Variants in DLG2 observed in about 807,000 individuals in gnomAD.
DLG2 encodes the protein discs large MAGUK scaffold protein 2.
A neutral mutation model predicts 132.5 loss-of-function variants in DLG2; 45 were observed. The observed-to-expected ratio is 0.34, with a 90% confidence interval of 0.27 to 0.44. The LOEUF is 0.44. DLG2 is among the 20% of genes least tolerant of loss of function. The pLI is 1.00. For synonymous variants in DLG2, 424 were observed against 419.6 expected (o/e 1.01, Z -0.13); for missense variants, 1,045 against 1,196.9 (o/e 0.87, Z 1.87).
At chr11:84,233,262 A>G (rs2097117616) in intron 8 of DLG2, among the ~76,000 whole-genome samples, 1 of 152,340 alleles carries the variant, frequency 6.6e-6, no homozygotes, top group South Asian at 2.1e-4. Flanking sequence ...GGTCACAGTC[A>G]GTGATACAGG....
chr11:84,803,746 C>T (rs1045599646), intron 6 of DLG2, among the ~76,000 whole-genome samples: 6 of 152,168 alleles, frequency 3.9e-5, no homozygotes, highest in Non-Finnish European at 7.3e-5. Flanking sequence ...AGGTCTGCCT[C>T]GACTAGCCCA....
intron 7 of DLG2, among the ~76,000 whole-genome samples, chr11:84,301,651 CAAAAAAAAAA>C (rs753899806): frequency 1.1e-4 from 3 of 26,596 alleles, no homozygotes; most frequent in African/African-American, 1.5e-4. Context: ...AGGCGAGACT[CAAAAAAAAAA>C]AAAAAAAAAA....
intron 6 of DLG2, among the ~76,000 whole-genome samples, chr11:84,953,127 A>G (rs749847451): frequency 6.6e-6 from 1 of 152,160 alleles, no homozygotes; most frequent in Admixed American, 6.5e-5. Flanking sequence ...ACCCATCTTT[A>G]CATTGCCTCT....
intron 18 of DLG2, among the ~76,000 whole-genome samples, chr11:83,718,562 A>AG (rs1259567904): frequency 5.3e-5 from 8 of 151,862 alleles, no homozygotes; most frequent in African/African-American, 1.9e-4. Flanking sequence ...GAAAGAAAAA[A>AG]AGAAATATCC....
chr11:84,416,082 A>G (rs1281553832), intron 7 of DLG2, among the ~76,000 whole-genome samples: 2 of 152,272 alleles, frequency 1.3e-5, no homozygotes, highest in East Asian at 3.9e-4. Context: ...AACCTAAAAC[A>G]TCAAAAGATT....
chr11:84,351,588 T>C (rs2154412581), intron 7 of DLG2, among the ~76,000 whole-genome samples: 1 of 152,338 alleles, frequency 6.6e-6, no homozygotes, highest in East Asian at 1.9e-4. Flanking sequence ...ATTTGATTTA[T>C]TGATATACAG....
intron 6 of DLG2, among the ~76,000 whole-genome samples, chr11:84,601,554 T>C (rs1360661119): frequency 6.6e-6 from 1 of 152,016 alleles, no homozygotes; most frequent in Non-Finnish European, 1.5e-5. Flanking sequence ...GGAAATTACC[T>C]AAATATCCAA....
At chr11:85,485,555 G>C (rs1214392292) in intron 3 of DLG2, among the ~76,000 whole-genome samples, 1 of 152,152 alleles carries the variant, frequency 6.6e-6, no homozygotes, top group African/African-American at 2.4e-5. Context: ...GTGATGAGAA[G>C]TACTGAATGT....
intron 4 of DLG2, among the ~76,000 whole-genome samples, chr11:85,160,037 C>T (rs528996963): frequency 1.3e-5 from 2 of 152,244 alleles, no homozygotes; most frequent in South Asian, 4.1e-4. Flanking sequence ...CAGTAAAATT[C>T]TTAGGTGTCC....
chr11:85,369,712 T>G (rs754840970), intron 3 of DLG2, among the ~76,000 whole-genome samples: 12 of 152,182 alleles, frequency 7.9e-5, no homozygotes, highest in Non-Finnish European at 1.5e-4. Context: ...CCTTAGGGGA[T>G]GAGCTCTCTC....
At chr11:84,773,756 C>T (rs949951529) in intron 6 of DLG2, among the ~76,000 whole-genome samples, 3 of 152,056 alleles carry the variant, frequency 2.0e-5, no homozygotes, top group African/African-American at 4.8e-5. Flanking sequence ...AATAATGACC[C>T]TCAACAAACT....
intron 17 of DLG2, among the ~76,000 whole-genome samples, chr11:83,803,823 A>C (rs1215802858): frequency 6.6e-6 from 1 of 152,142 alleles, no homozygotes; most frequent in African/African-American, 2.4e-5. Context: ...GTCCACTCCT[A>C]AAACATCTGA....
chr11:84,610,633 G>A (rs1429401508), intron 6 of DLG2, among the ~76,000 whole-genome samples: 1 of 152,104 alleles, frequency 6.6e-6, no homozygotes, highest in African/African-American at 2.4e-5. Flanking sequence ...CCCTCCCCTG[G>A]CCTGGCCTCC....
At chr11:83,764,325 G>T (rs2094044422) in intron 18 of DLG2, among the ~76,000 whole-genome samples, 1 of 152,184 alleles carries the variant, frequency 6.6e-6, no homozygotes, top group Non-Finnish European at 1.5e-5. Flanking sequence ...ACTTCAAAGT[G>T]CTGATGTATC....
At chr11:84,382,978 A>C (rs2098754050) in intron 7 of DLG2, among the ~76,000 whole-genome samples, 1 of 151,204 alleles carries the variant, frequency 6.6e-6, no homozygotes, top group Non-Finnish European at 1.5e-5. Flanking sequence ...CCTTCCTCTC[A>C]TCTTAACCTC....
intron 18 of DLG2, among the ~76,000 whole-genome samples, chr11:83,728,377 TTGG>T (rs2090407057): frequency 6.6e-6 from 1 of 152,226 alleles, no homozygotes; most frequent in Non-Finnish European, 1.5e-5. Flanking sequence ...CCTAGAAAAC[TTGG>T]TGACTTTATA....
intron 14 of DLG2, among the ~76,000 whole-genome samples, chr11:83,944,885 ACCCCATTATCTT>A (rs962704589): frequency 6.6e-6 from 1 of 152,210 alleles, no homozygotes; most frequent in Non-Finnish European, 1.5e-5. Flanking sequence ...GAGCAAAGTC[ACCCCATTATCTT>A]CCCTTTTGTC....
chr11:84,714,549 T>TTCTCTTTCTCTCTCTCTCTCTC (rs1565748003), intron 6 of DLG2, among the ~76,000 whole-genome samples: 1 of 59,134 alleles, frequency 1.7e-5, no homozygotes, highest in Non-Finnish European at 2.9e-5. Context: ...CTCTTTCTCT[T>TTCTCTTTCTCTCTCTCTCTCTC]TCTCTCTCTT....
intron 4 of DLG2, among the ~76,000 whole-genome samples, chr11:85,235,698 T>G (rs1403024520): frequency 6.6e-6 from 1 of 151,972 alleles, no homozygotes; most frequent in African/African-American, 2.4e-5. Context: ...GTATTTATAA[T>G]TACTTTTAAG....
Sources: gnomAD v4.1 joint callset for allele counts (sites outside exome capture counted in the v4.1 genomes callset) on GRCh38, gnomAD v4.1.1 for gene constraint, MANE v1.5 for transcripts, NCBI Gene and HGNC (gene_info 2026-07-23, HGNC 2026-07-21) for gene names.